The following SYT1 variants were observed in gnomAD, a reference collection of about 807,000 sequenced individuals.
SYT1 encodes synaptotagmin 1.
Under a neutral mutation model 44.8 loss-of-function variants are expected in SYT1, and 8 were observed. The ratio of observed to expected loss-of-function variants is 0.18; its 90% CI spans 0.10 to 0.32. The LOEUF (loss-of-function observed/expected upper bound fraction) is 0.32, where lower values mean the gene tolerates loss of function less well. Ranked by LOEUF, SYT1 falls within the 10% of genes least tolerant of loss-of-function variation. SYT1 has a pLI of 1.00. For synonymous variants in SYT1, 154 were observed against 188.8 expected, an observed-to-expected ratio of 0.82 and a Z score of 1.51; for missense variants, 286 against 509.3, an observed-to-expected ratio of 0.56 and a Z score of 4.22.
intron 8 of SYT1, among the ~76,000 whole-genome samples, chr12:79,339,068 T>C (rs527738803): frequency 7.9e-4 from 120 of 152,320 alleles, no homozygotes; most frequent in African/African-American, 2.7e-3. Flanking sequence ...CAGTCTATCA[T>C]TGATGGACAT....
At chr12:79,275,513 G>A (rs960057564) in intron 4 of SYT1, among the ~76,000 whole-genome samples, 4 of 152,092 alleles carry the variant, frequency 2.6e-5, no homozygotes, top group African/African-American at 7.2e-5. Flanking sequence ...CAGATGGACC[G>A]AGGTGCCTAT....
rs369717509 is a variant in SYT1, at chr12:79,299,368, A to G, written c.643-16A>G. The G allele has an allele frequency of 8.1e-5, 130 of 1,611,290 alleles. No homozygotes were observed. The Admixed American group carries it at 2.0e-3, about 25-fold the overall frequency. On this transcript the variant is annotated splice_polypyrimidine_tract_variant and intron_variant, in intron 7 of 10. Transcript: ENST00000261205. ...TTTTGTGACTGGATATTTTATCCTC[A>G]TGTCTTTTAATTTAGGTACCATACT...
intron 4 of SYT1, among the ~76,000 whole-genome samples, chr12:79,233,796 A>G (rs1876012762): frequency 6.6e-6 from 1 of 152,236 alleles, no homozygotes; most frequent in Non-Finnish European, 1.5e-5. Context: ...GTACTTCCAT[A>G]AAAGCTTGAA....
intron 1 of SYT1, among the ~76,000 whole-genome samples, chr12:78,964,411 T>C (rs891178509): frequency 6.6e-6 from 1 of 152,182 alleles, no homozygotes; most frequent in Non-Finnish European, 1.5e-5. Context: ...CTTTATGTGC[T>C]ACTATTTTCT....
intron 1 of SYT1, among the ~76,000 whole-genome samples, chr12:78,920,179 C>G (rs1052986983): frequency 4.0e-5 from 6 of 151,868 alleles, no homozygotes; most frequent in Middle Eastern, 3.4e-3. Flanking sequence ...AATGTGCAAA[C>G]TAAATTAAAA....
chr12:78,995,996 C>T (rs1422270048), intron 2 of SYT1: 4 of 152,168 alleles, frequency 2.6e-5, no homozygotes, highest in Non-Finnish European at 5.9e-5. Flanking sequence ...GGATCAAAAA[C>T]TTGCCTGAAG....
intron 4 of SYT1, among the ~76,000 whole-genome samples, chr12:79,281,156 A>C (rs563671887): frequency 3.6e-4 from 55 of 152,222 alleles, no homozygotes; most frequent in African/African-American, 1.3e-3. Flanking sequence ...ATGGATATCT[A>C]CCCAAAGAAA....
At chr12:79,240,113 C>T (rs1435887429) in intron 4 of SYT1, among the ~76,000 whole-genome samples, 3 of 152,168 alleles carry the variant, frequency 2.0e-5, no homozygotes, top group Non-Finnish European at 2.9e-5. Context: ...AGAAGGCTTA[C>T]ATAGGGCATG....
intron 3 of SYT1, among the ~76,000 whole-genome samples, chr12:79,117,662 CATATATATATATATATAT>C (rs57706449): frequency 1.7e-3 from 65 of 39,308 alleles, no homozygotes; most frequent in South Asian, 3.6e-3. Context: ...TGTATTACAT[CATATATATATATATATAT>C]ATATATATAT....
chr12:78,895,409 T>G (rs1405058136), intron 1 of SYT1, among the ~76,000 whole-genome samples: 2 of 151,698 alleles, frequency 1.3e-5, no homozygotes, highest in Admixed American at 6.6e-5. Context: ...ACTAAGCATT[T>G]GTTTGCCTCC....
At chr12:79,004,562 G>A (rs1166639635) in intron 2 of SYT1, among the ~76,000 whole-genome samples, 1 of 151,922 alleles carries the variant, frequency 6.6e-6, no homozygotes, top group Non-Finnish European at 1.5e-5. Context: ...TAGGGCTAAA[G>A]ATAAGAAAGA....
intron 2 of SYT1, among the ~76,000 whole-genome samples, chr12:79,001,468 T>A (rs1870737933): frequency 6.6e-6 from 1 of 152,126 alleles, no homozygotes; most frequent in Admixed American, 6.6e-5. Context: ...AAACAACGCA[T>A]TTAAGGAGAA....
At chr12:79,135,246 CT>C (rs1454636684) in intron 3 of SYT1, among the ~76,000 whole-genome samples, 1 of 138,338 alleles carries the variant, frequency 7.2e-6, no homozygotes, top group Non-Finnish European at 1.6e-5. Flanking sequence ...AATGCTATCC[CT>C]CCCCCCTCCC....
At chr12:79,028,914 C>G (rs534200329) in intron 2 of SYT1, among the ~76,000 whole-genome samples, 1 of 151,126 alleles carries the variant, frequency 6.6e-6, no homozygotes, top group African/African-American at 2.4e-5. Context: ...GAGGTTCCTG[C>G]CATTCAAGGT....
chr12:79,175,857 TG>T (rs1871827314), intron 3 of SYT1, among the ~76,000 whole-genome samples: 1 of 152,024 alleles, frequency 6.6e-6, no homozygotes, highest in South Asian at 2.1e-4. Context: ...ACCTGGGGGT[TG>T]GGGGGTAGCA....
At chr12:78,931,220 AAAGAAAGAAAGAAAGAAAGAAGG>A (rs1565723283) in intron 1 of SYT1, among the ~76,000 whole-genome samples, 72 of 59,088 alleles carry the variant, frequency 1.2e-3, no homozygotes, top group African/African-American at 4.8e-3. Context: ...AGAAAGAAAG[AAAGAAAGAAAGAAAGAAAGAAGG>A]AAGGAAGGAA....
intron 3 of SYT1, among the ~76,000 whole-genome samples, chr12:79,189,234 C>A (rs1045722757): frequency 6.6e-6 from 1 of 152,108 alleles, no homozygotes; most frequent in Non-Finnish European, 1.5e-5. Flanking sequence ...GGTTTGAATT[C>A]AGATTCTATC....
At position 79,349,043 on chromosome 12, in the gene SYT1, A is replaced by AAG. The variant is rs1369905649; in HGVS notation, c.811-4457_811-4456dup. On this transcript the variant is annotated intron_variant, in intron 8 of 10. Coordinates refer to ENST00000261205, the MANE Select transcript of SYT1 (RefSeq NM_005639.3). Reference sequence around the variant, plus strand: ...AGAAAGAAAGAAAGAAAAAGAAAGAAAGAAAGAAAGAAAGGAGGGAGGGAG... The same window carrying AAG: ...AGAAAGAAAGAAAGAAAAAGAAAGAAAGAGAAAGAAAGAAAGGAGGGAGGGAG... 7.2e-4 allele frequency among the ~76,000 whole-genome samples: 101 copies of AAG among 140,478 alleles called. 1 individual carries two copies. The highest frequency in any genetic ancestry group is 2.5e-3 in the African/African-American group (92 of 36,618). 92.2% of individuals were successfully genotyped at this position (140,478 alleles called of 152,430 possible).
chr12:79,382,387 T>A (rs937071811), intron 9 of SYT1, among the ~76,000 whole-genome samples: 1 of 152,198 alleles, frequency 6.6e-6, no homozygotes, highest in Non-Finnish European at 1.5e-5. Context: ...GGAGGTATCC[T>A]GACTTCAAGG....
Sources: gnomAD v4.1 joint callset for allele counts (sites outside exome capture counted in the v4.1 genomes callset) on GRCh38, gnomAD v4.1.1 for gene constraint, MANE v1.5 for transcripts, NCBI Gene and HGNC (gene_info 2026-07-23, HGNC 2026-07-21) for gene names.